ARHGAP40: variants seen among roughly 807,000 people sequenced by gnomAD.
The protein encoded by ARHGAP40 is Rho GTPase activating protein 40.
Under a neutral mutation model 73.5 loss-of-function variants are expected in ARHGAP40, and 43 were observed. The ratio of observed to expected loss-of-function variants is 0.58; its 90% CI spans 0.46 to 0.75. ARHGAP40 has a LOEUF of 0.75. Ranked by LOEUF, ARHGAP40 falls within the 30% of genes least tolerant of loss-of-function variation. ARHGAP40 has a pLI of 0.00. For synonymous variants in ARHGAP40, 300 were observed against 352.8 expected, an observed-to-expected ratio of 0.85 and a Z score of 1.68; for missense variants, 734 against 861.8, an observed-to-expected ratio of 0.85 and a Z score of 1.86.
At chr20:38,637,918 T>C (rs220538) in intron 7 of ARHGAP40, 119 bp downstream of exon 7, 425,297 of 764,904 alleles carry the variant, frequency 0.56, 120,285 homozygotes, top group South Asian at 0.65. Flanking sequence ...TCAGGCAGAC[T>C]TGGGTTCAAA....
intron 3 of ARHGAP40, 53 bp downstream of exon 3, chr20:38,627,268 G>A: frequency 7.8e-7 from 1 of 1,280,146 alleles, no homozygotes; most frequent in Non-Finnish European, 1.0e-6. Context: ...TCTCTGTGCT[G>A]CCGCCACAGC....
At position 38,617,908 on chromosome 20, in the gene ARHGAP40, G is replaced by A. The variant is rs188841212; in HGVS notation, c.138-5451G>A. ...TAGTAACTGGCCATAGTAAGGGCTCGATAAACATTTGCTGAATGAGTGAAT... is the reference window on the plus strand; with the variant it reads ...TAGTAACTGGCCATAGTAAGGGCTCAATAAACATTTGCTGAATGAGTGAAT... On this transcript the variant is annotated intron_variant, in intron 1 of 14. Coordinates refer to ENST00000373345, the Ensembl canonical transcript of ARHGAP40. Among the ~76,000 whole-genome samples, 463 of 152,276 alleles carry A rather than the reference G, an allele frequency of 3.0e-3. 2 individuals carry two copies. The highest frequency in any genetic ancestry group is 0.01 in the African/African-American group (421 of 41,558).
At chr20:38,641,608 A>G (rs1383361639) in intron 9 of ARHGAP40, 118 bp from the exon 10 acceptor site, 1 of 636,282 alleles carries the variant, frequency 1.6e-6, no homozygotes, top group Non-Finnish European at 2.4e-6. Flanking sequence ...CTTATGAAAA[A>G]AGGGATTCCT....
chr20:38,630,173 T>C, intron 5 of ARHGAP40, among the ~76,000 whole-genome samples: 1 of 139,648 alleles, frequency 7.2e-6, no homozygotes, highest in African/African-American at 2.6e-5. Flanking sequence ...CTTCCTTCCT[T>C]CCTTCTTTCC....
At chr20:38,624,734 G>A (rs1429143678) in intron 2 of ARHGAP40, among the ~76,000 whole-genome samples, 1 of 152,086 alleles carries the variant, frequency 6.6e-6, no homozygotes, top group African/African-American at 2.4e-5. Flanking sequence ...GGGCTCAAAT[G>A]TTACCTCCTC....
At chr20:38,624,184 T>C (rs1205010795) in intron 2 of ARHGAP40, among the ~76,000 whole-genome samples, 2 of 152,146 alleles carry the variant, frequency 1.3e-5, no homozygotes, top group African/African-American at 4.8e-5. Context: ...AGATTTCTCA[T>C]CTATGTGCCT....
chr20:38,629,588 C>G, exon 5 of ARHGAP40: 1 of 1,305,430 alleles, frequency 7.7e-7, no homozygotes, highest in Non-Finnish European at 1.0e-6. Flanking sequence ...AGCTGCGGTG[C>G]TCCTGCAGAG....
chr20:38,639,908 T>TA (rs2089003812), intron 9 of ARHGAP40, among the ~76,000 whole-genome samples: 1 of 152,190 alleles, frequency 6.6e-6, no homozygotes, highest in Non-Finnish European at 1.5e-5. Context: ...CTCAAAAAAA[T>TA]ACAGCAGCTC....
intron 1 of ARHGAP40, chr20:38,615,138 T>C: frequency 1.0e-6 from 1 of 962,010 alleles, no homozygotes. Flanking sequence ...CCGGATTTCG[T>C]CTGCCTTCGG....
At chr20:38,608,959 A>G (rs974061469) in intron 1 of ARHGAP40, among the ~76,000 whole-genome samples, 40 of 152,014 alleles carry the variant, frequency 2.6e-4, no homozygotes, top group African/African-American at 8.5e-4. Context: ...TCATGCTACC[A>G]TCTCTCTGGT....
At chr20:38,617,070 G>A (rs1331749259) in intron 1 of ARHGAP40, among the ~76,000 whole-genome samples, 2 of 152,150 alleles carry the variant, frequency 1.3e-5, no homozygotes, top group Non-Finnish European at 2.9e-5. Flanking sequence ...TGCCCCCAAA[G>A]CCCTATTCAC....
At chr20:38,637,147 T>A (rs1429568391) in intron 6 of ARHGAP40, among the ~76,000 whole-genome samples, 7 of 151,950 alleles carry the variant, frequency 4.6e-5, no homozygotes, top group African/African-American at 1.7e-4. Flanking sequence ...TTCAATACTT[T>A]TTTTTTTTTT....
intron 9 of ARHGAP40, among the ~76,000 whole-genome samples, chr20:38,641,142 C>T (rs554592486): frequency 6.6e-6 from 1 of 152,010 alleles, no homozygotes; most frequent in Non-Finnish European, 1.5e-5. Context: ...GGGTCGCAGG[C>T]CTGGCGCCCA....
chr20:38,637,270 C>G (rs527598805), intron 6 of ARHGAP40, among the ~76,000 whole-genome samples: 2 of 152,032 alleles, frequency 1.3e-5, no homozygotes, highest in African/African-American at 4.8e-5. Context: ...CTCAGCCTCC[C>G]GAGTAGCTGG....
chr20:38,637,262 C>T (rs542618957), intron 6 of ARHGAP40, among the ~76,000 whole-genome samples: 2 of 152,152 alleles, frequency 1.3e-5, no homozygotes, highest in East Asian at 3.9e-4. Flanking sequence ...TCTCCTGCCT[C>T]AGCCTCCCGA....
At chr20:38,627,352 A>ATGTGTGTTGGTGTCTGTGTGTTGGTG (rs2088904648) in intron 3 of ARHGAP40, 137 bp downstream of exon 3, 1 of 650,138 alleles carries the variant, frequency 1.5e-6, no homozygotes, top group Non-Finnish European at 2.3e-6. Flanking sequence ...GGGTGTTGGT[A>ATGTGTGTTGGTGTCTGTGTGTTGGTG]TGTGTGTTGG....
At chr20:38,617,833 A>G (rs1390520666) in intron 1 of ARHGAP40, among the ~76,000 whole-genome samples, 1 of 152,166 alleles carries the variant, frequency 6.6e-6, no homozygotes, top group Non-Finnish European at 1.5e-5. Flanking sequence ...GATCAAACTA[A>G]CATTGACTGA....
At chr20:38,636,847 T>C (rs1200624329) in intron 6 of ARHGAP40, among the ~76,000 whole-genome samples, 1 of 152,124 alleles carries the variant, frequency 6.6e-6, no homozygotes, top group South Asian at 2.1e-4. Flanking sequence ...TTTGTTTTGG[T>C]TTGGTTTTTT....
rs536548591 is a variant in ARHGAP40 at position 38,637,977 on chromosome 20, T to C, written c.1041+178T>C. On this transcript the variant is annotated intron_variant, in intron 7 of 14. Transcript: ENST00000373345. ...TCAGAGACCTGGGGTGGATTTTTGC[T>C]GTTGTTGTTGTTGTTGATGTTGTTG... 4.0e-4 allele frequency among the ~76,000 whole-genome samples: 61 copies of C among 152,060 alleles called. 1 individual carries two copies. Among genetic ancestry groups the C allele is most frequent in the Non-Finnish European group, 5.0e-4 (34 of 67,968 alleles).
Sources: allele counts gnomAD v4.1 joint callset (sites outside exome capture counted in the v4.1 genomes callset), GRCh38; gene constraint gnomAD v4.1.1; transcripts MANE v1.5; gene names NCBI Gene and HGNC (gene_info 2026-07-23, HGNC 2026-07-21).